Variants in DCDC1 observed in about 807,000 individuals in gnomAD.
DCDC1 encodes the protein doublecortin domain containing 1, also known as doublecortin domain-containing protein 1.
DCDC1 carries 200 observed loss-of-function variants against 178.3 expected under a neutral mutation model. That is an observed-to-expected ratio of 1.12 (90% CI 1.00 to 1.26). DCDC1 has a LOEUF of 1.26. Among genes scored for constraint, DCDC1 ranks in the 50% most tolerant of loss-of-function variants. DCDC1 has a pLI of 0.00. For synonymous variants in DCDC1, 690 were observed against 604.8 expected (o/e 1.14, Z -2.07); for missense variants, 1,983 against 1,749.2 (o/e 1.13, Z -2.38).
At chr11:31,053,374 G>A (rs891923355) in intron 20 of DCDC1, among the ~76,000 whole-genome samples, 2 of 152,106 alleles carry the variant, frequency 1.3e-5, no homozygotes, top group African/African-American at 4.8e-5. Context: ...GCACCAGACG[G>A]ATTCACAGCA....
intron 20 of DCDC1, among the ~76,000 whole-genome samples, chr11:31,008,788 T>C (rs1327999933): frequency 5.3e-5 from 8 of 152,206 alleles, no homozygotes; most frequent in South Asian, 4.1e-4. Flanking sequence ...AGACTGATTC[T>C]ACATGTTTTA....
chr11:30,885,921 A>G (rs1265069270), intron 36 of DCDC1, among the ~76,000 whole-genome samples: 1 of 152,146 alleles, frequency 6.6e-6, no homozygotes, highest in African/African-American at 2.4e-5. Context: ...TCATAATAGC[A>G]AAAAATTAAG....
At chr11:30,953,350 TA>T (rs1169168231) in intron 20 of DCDC1, among the ~76,000 whole-genome samples, 2 of 150,034 alleles carry the variant, frequency 1.3e-5, no homozygotes, top group Non-Finnish European at 3.0e-5. Flanking sequence ...ATTTCTTCCC[TA>T]AAACTCTATC....
At chr11:31,308,424 A>G (rs1948585880) in intron 3 of DCDC1, among the ~76,000 whole-genome samples, 1 of 152,238 alleles carries the variant, frequency 6.6e-6, no homozygotes, top group South Asian at 2.1e-4. Flanking sequence ...CTGAGTGTGT[A>G]TTAGCCTTAA....
intron 10 of DCDC1, among the ~76,000 whole-genome samples, chr11:31,128,008 C>T (rs1019484001): frequency 2.0e-5 from 3 of 151,958 alleles, no homozygotes; most frequent in African/African-American, 7.2e-5. Flanking sequence ...TGTAACCTAC[C>T]ACCAAATATT....
At chr11:30,913,349 C>T (rs1196667333) in intron 27 of DCDC1, among the ~76,000 whole-genome samples, 1 of 151,808 alleles carries the variant, frequency 6.6e-6, no homozygotes, top group African/African-American at 2.4e-5. Context: ...GCGGAGCTTG[C>T]AGTGAGCCGA....
chr11:31,341,205 C>T (rs1258795549), intron 1 of DCDC1, among the ~76,000 whole-genome samples: 1 of 152,088 alleles, frequency 6.6e-6, no homozygotes, highest in Admixed American at 6.5e-5. Context: ...CATTTCAAGA[C>T]AAAGTTCTCC....
intron 23 of DCDC1, 87 bp downstream of exon 23, chr11:30,925,222 G>A: frequency 2.7e-6 from 3 of 1,123,802 alleles, no homozygotes; most frequent in South Asian, 2.7e-5. Flanking sequence ...AAAATGGTAA[G>A]CATTTGAAGA....
At chr11:31,250,104 T>TAGC (rs1298647827) in intron 8 of DCDC1, among the ~76,000 whole-genome samples, 1 of 151,920 alleles carries the variant, frequency 6.6e-6, no homozygotes, top group Non-Finnish European at 1.5e-5. Flanking sequence ...CCATCTATTG[T>TAGC]CTTTAAGAAA....
intron 3 of DCDC1, among the ~76,000 whole-genome samples, chr11:31,327,156 C>G (rs1949690162): frequency 6.6e-6 from 1 of 151,972 alleles, no homozygotes; most frequent in Admixed American, 6.6e-5. Context: ...GTCTTATATT[C>G]CTCCTAGTGT....
chr11:30,899,784 A>G (rs1590281796), intron 33 of DCDC1, 142 bp from the exon 34 acceptor site: 2 of 580,960 alleles, frequency 3.4e-6, no homozygotes, highest in East Asian at 6.2e-5. Flanking sequence ...AAGAAACTTC[A>G]TTTGAAAGAT....
intron 18 of DCDC1, among the ~76,000 whole-genome samples, chr11:31,066,661 G>T (rs1056940425): frequency 1.3e-5 from 2 of 152,170 alleles, no homozygotes; most frequent in African/African-American, 4.8e-5. Context: ...CATAAGAGTC[G>T]ATCTGAAAAG....
chr11:31,158,397 G>A (rs769050128), intron 9 of DCDC1, among the ~76,000 whole-genome samples: 17 of 152,120 alleles, frequency 1.1e-4, no homozygotes, highest in South Asian at 6.2e-4. Context: ...GATTACAGGC[G>A]TGAGCCACCG....
At chr11:31,189,196 T>C (rs909395351) in intron 9 of DCDC1, among the ~76,000 whole-genome samples, 38 of 152,314 alleles carry the variant, frequency 2.5e-4, no homozygotes, top group Admixed American at 1.1e-3. Context: ...GATTAAGTTC[T>C]TCATAATAGT....
chr11:31,332,076 A>T (rs1353636329), intron 2 of DCDC1, among the ~76,000 whole-genome samples: 2 of 152,210 alleles, frequency 1.3e-5, no homozygotes, highest in African/African-American at 4.8e-5. Context: ...TGGTCTATTC[A>T]GAGATTCAAT....
At chr11:31,115,490 T>C (rs1355136781) in intron 11 of DCDC1, among the ~76,000 whole-genome samples, 1 of 152,070 alleles carries the variant, frequency 6.6e-6, no homozygotes, top group African/African-American at 2.4e-5. Context: ...AATAGAAAAA[T>C]GACACCGCAG....
At chr11:31,013,528 C>G (rs1415539043) in intron 20 of DCDC1, among the ~76,000 whole-genome samples, 1 of 152,180 alleles carries the variant, frequency 6.6e-6, no homozygotes, top group Non-Finnish European at 1.5e-5. Context: ...TTTCTAAAAA[C>G]TATCTTAATT....
intron 11 of DCDC1, among the ~76,000 whole-genome samples, chr11:31,125,135 T>TA (rs1470249641): frequency 6.6e-6 from 1 of 151,778 alleles, no homozygotes. Context: ...GACACTTCTT[T>TA]AAAAAAAGAC....
intron 11 of DCDC1, among the ~76,000 whole-genome samples, chr11:31,127,216 T>C (rs979329559): frequency 3.9e-5 from 6 of 152,208 alleles, no homozygotes; most frequent in African/African-American, 1.4e-4. Flanking sequence ...CATGAGTAAA[T>C]TCCTTCATTA....
Sources: gnomAD v4.1 joint callset for allele counts (sites outside exome capture counted in the v4.1 genomes callset) on GRCh38, gnomAD v4.1.1 for gene constraint, MANE v1.5 for transcripts, NCBI Gene and HGNC (gene_info 2026-07-23, HGNC 2026-07-21) for gene names.